ESRRB: variants seen among roughly 807,000 people sequenced by gnomAD.
ESRRB encodes the protein steroid hormone receptor ERR2.
In ESRRB, 16 loss-of-function variants were observed where a neutral mutation model predicts 46.0. The ratio of observed to expected loss-of-function variants is 0.35; its 90% CI spans 0.24 to 0.53. The LOEUF is 0.53. Among genes scored for constraint, ESRRB ranks in the 20% least tolerant of loss-of-function variants. The pLI is 0.93. For missense variants in ESRRB, 488 were observed against 607.4 expected (o/e 0.80, Z 2.07); for synonymous variants, 246 against 259.6 (o/e 0.95, Z 0.50).
intron 1 of ESRRB, among the ~76,000 whole-genome samples, chr14:76,394,069 G>A (rs1321122119): frequency 1.3e-5 from 2 of 148,710 alleles, no homozygotes; most frequent in Non-Finnish European, 3.0e-5. Flanking sequence ...CCAAAATGCT[G>A]GTATTACAGG....
intron 1 of ESRRB, among the ~76,000 whole-genome samples, chr14:76,327,430 A>C (rs962855988): frequency 3.9e-5 from 6 of 152,022 alleles, no homozygotes; most frequent in African/African-American, 1.5e-4. Context: ...ACACTATGTG[A>C]GGTGGTAGGT....
chr14:76,445,748 G>A (rs556462076), intron 2 of ESRRB, among the ~76,000 whole-genome samples: 3 of 149,790 alleles, frequency 2.0e-5, no homozygotes, highest in East Asian at 2.0e-4. Flanking sequence ...TCAGTGGAGC[G>A]ATCCTGGCTC....
chr14:76,444,006 T>C (rs996861270), intron 2 of ESRRB, among the ~76,000 whole-genome samples: 1 of 152,144 alleles, frequency 6.6e-6, no homozygotes, highest in African/African-American at 2.4e-5. Context: ...GGCTGACAGA[T>C]TGCTGTGGTT....
intron 1 of ESRRB, among the ~76,000 whole-genome samples, chr14:76,391,592 TC>T (rs1215488877): frequency 6.6e-6 from 1 of 152,244 alleles, no homozygotes; most frequent in Non-Finnish European, 1.5e-5. Context: ...GTGAAGCCCT[TC>T]CTTCCCACCT....
intron 2 of ESRRB, among the ~76,000 whole-genome samples, chr14:76,459,913 G>T (rs1327239661): frequency 6.6e-6 from 1 of 152,084 alleles, no homozygotes; most frequent in East Asian, 1.9e-4. Flanking sequence ...GGGAGAGGGG[G>T]AGAGAGGGAG....
At chr14:76,372,763 CAG>C (rs532170928), upstream of ESRRB, among the ~76,000 whole-genome samples, 88 of 152,274 alleles carry the variant, frequency 5.8e-4, no homozygotes, top group Non-Finnish European at 1.0e-3. Flanking sequence ...GCCCAGGAAA[CAG>C]AGGTTGCAAT....
chr14:76,469,824 AC>A (rs2140006323), intron 3 of ESRRB, among the ~76,000 whole-genome samples: 1 of 150,332 alleles, frequency 6.7e-6, no homozygotes, highest in East Asian at 2.0e-4. Flanking sequence ...TGTCCCATTC[AC>A]CCCTTTCTTT....
intron 1 of ESRRB, among the ~76,000 whole-genome samples, chr14:76,430,713 C>A (rs892403399): frequency 3.9e-5 from 6 of 152,230 alleles, no homozygotes; most frequent in African/African-American, 1.4e-4. Context: ...TTACTCAAAG[C>A]CAGCAGCAAT....
intron 3 of ESRRB, among the ~76,000 whole-genome samples, chr14:76,467,096 C>T (rs548527090): frequency 2.0e-5 from 3 of 152,144 alleles, no homozygotes; most frequent in African/African-American, 4.8e-5. Flanking sequence ...ACCTGCTTTC[C>T]TTCACCAGGT....
chr14:76,414,094 C>G (rs1209144954), intron 1 of ESRRB, among the ~76,000 whole-genome samples: 1 of 20,980 alleles, frequency 4.8e-5, no homozygotes, highest in South Asian at 1.4e-3. Flanking sequence ...TGCACCATCC[C>G]TCGCCCCTGC....
At chr14:76,429,699 G>A (rs1259337379) in intron 1 of ESRRB, among the ~76,000 whole-genome samples, 3 of 152,034 alleles carry the variant, frequency 2.0e-5, no homozygotes, top group East Asian at 3.9e-4. Context: ...GTGGTGAGCC[G>A]AGATAGTGCC....
chr14:76,408,456 G>T (rs1453842062), intron 1 of ESRRB, among the ~76,000 whole-genome samples: 1 of 151,900 alleles, frequency 6.6e-6, no homozygotes, highest in Non-Finnish European at 1.5e-5. Flanking sequence ...GTGCATGGGG[G>T]TGCATGCCTG....
At chr14:76,479,261 G>GTA (rs1889711912) in intron 3 of ESRRB, among the ~76,000 whole-genome samples, 1 of 152,156 alleles carries the variant, frequency 6.6e-6, no homozygotes, top group Non-Finnish European at 1.5e-5. Flanking sequence ...GTGTGTGTGT[G>GTA]TGTGCTGATC....
intron 3 of ESRRB, among the ~76,000 whole-genome samples, chr14:76,464,758 G>A (rs1889036122): frequency 1.3e-5 from 2 of 152,158 alleles, no homozygotes; most frequent in Admixed American, 1.3e-4. Context: ...ACCCAAACTA[G>A]TGGCTGAACT....
intron 1 of ESRRB, among the ~76,000 whole-genome samples, chr14:76,409,862 G>A (rs115068244): frequency 0.015 from 2,310 of 152,254 alleles, 56 homozygotes; most frequent in African/African-American, 0.053. Flanking sequence ...AGTATAAACC[G>A]TACATGCGAT....
chr14:76,406,932 C>A (rs930944688), intron 1 of ESRRB, among the ~76,000 whole-genome samples: 9 of 152,216 alleles, frequency 5.9e-5, no homozygotes, highest in Non-Finnish European at 1.2e-4. Flanking sequence ...CCGCCTCCTG[C>A]GGGCAGGGAA....
At chr14:76,337,504 G>A (rs994371492) in intron 1 of ESRRB, among the ~76,000 whole-genome samples, 5 of 152,160 alleles carry the variant, frequency 3.3e-5, no homozygotes, top group Non-Finnish European at 7.3e-5. Context: ...TGGTGCTGTA[G>A]GTGGAATCCA....
intron 1 of ESRRB, among the ~76,000 whole-genome samples, chr14:76,396,034 A>G (rs1345194869): frequency 6.6e-6 from 1 of 152,080 alleles, no homozygotes. Flanking sequence ...CTAGCTGGGC[A>G]TGGTGGTGCG....
intron 5 of ESRRB, among the ~76,000 whole-genome samples, chr14:76,490,889 T>G (rs1890196778): frequency 6.6e-6 from 1 of 152,194 alleles, no homozygotes; most frequent in African/African-American, 2.4e-5. Flanking sequence ...AGCCCCAGGC[T>G]ATGGTCACTG....
Sources: allele counts gnomAD v4.1 joint callset (sites outside exome capture counted in the v4.1 genomes callset), GRCh38; gene constraint gnomAD v4.1.1; transcripts MANE v1.5; gene names NCBI Gene and HGNC (gene_info 2026-07-23, HGNC 2026-07-21).